Variants in UBL3 observed in about 807,000 individuals in gnomAD.
The protein encoded by UBL3 is ubiquitin-like protein 3.
UBL3 carries 6 observed loss-of-function variants against 18.4 expected under a neutral mutation model. That is an observed-to-expected ratio of 0.33 (90% CI 0.18 to 0.64). The LOEUF (loss-of-function observed/expected upper bound fraction) is 0.64, where lower values mean the gene tolerates loss of function less well. Ranked by LOEUF, UBL3 falls within the 30% of genes least tolerant of loss-of-function variation. The pLI is 0.76. For missense variants in UBL3, 109 were observed against 142.9 expected (o/e 0.76, Z 1.21); for synonymous variants, 49 against 46.6 (o/e 1.05, Z -0.21).
chr13:29,778,602 A>G (rs1008021005), intron 1 of UBL3, among the ~76,000 whole-genome samples: 13 of 152,098 alleles, frequency 8.5e-5, no homozygotes. Context: ...TTTAGTTACT[A>G]ATTTTTTTTC....
chr13:29,826,075 A>T (rs1878611028), intron 1 of UBL3, among the ~76,000 whole-genome samples: 1 of 152,096 alleles, frequency 6.6e-6, no homozygotes, highest in African/African-American at 2.4e-5. Context: ...AAGCTCTTTG[A>T]TGTGCTGCTG....
intron 1 of UBL3, among the ~76,000 whole-genome samples, chr13:29,835,663 G>C (rs1757118771): frequency 6.7e-6 from 1 of 148,336 alleles, no homozygotes; most frequent in South Asian, 2.1e-4. Flanking sequence ...GCTGAGGCAG[G>C]AGAATCACTC....
chr13:29,775,945 A>T (rs1477794512), intron 2 of UBL3, among the ~76,000 whole-genome samples: 3 of 152,102 alleles, frequency 2.0e-5, no homozygotes, highest in Admixed American at 1.3e-4. Flanking sequence ...AAAAAAAATC[A>T]AAGAAAATAA....
At chr13:29,799,114 T>G (rs994506523) in intron 1 of UBL3, among the ~76,000 whole-genome samples, 1 of 152,128 alleles carries the variant, frequency 6.6e-6, no homozygotes, top group Admixed American at 6.6e-5. Flanking sequence ...ATTTGGGTAG[T>G]GGGGGGAGCT....
At chr13:29,792,935 C>T (rs551890104) in intron 1 of UBL3, among the ~76,000 whole-genome samples, 4 of 152,170 alleles carry the variant, frequency 2.6e-5, no homozygotes, top group Non-Finnish European at 5.9e-5. Context: ...GCTAAGAATG[C>T]TAATTAACAT....
chr13:29,793,824 A>G lies in UBL3; in HGVS notation c.28-16561T>C, dbSNP rs1015428512. Among the ~76,000 whole-genome samples the G allele has an allele frequency of 3.3e-5, 5 of 152,100 alleles. No individual in the cohort carries two copies. The East Asian group carries it at 7.7e-4, about 23-fold the overall frequency. ...ATGTGTGTTACTAAGTGTTACTAAC[A>G]CTTTCATTTCTTCTATTGGCTTTTC... On this transcript the variant is annotated intron_variant, in intron 1 of 4. Coordinates refer to ENST00000380680, the MANE Select transcript of UBL3 (RefSeq NM_007106.4).
intron 1 of UBL3, among the ~76,000 whole-genome samples, chr13:29,818,293 C>G (rs1878335087): frequency 6.6e-6 from 1 of 152,108 alleles, no homozygotes; most frequent in South Asian, 2.1e-4. Flanking sequence ...CACACACATC[C>G]TTTTCAGTCA....
At chr13:29,777,089 G>T in intron 2 of UBL3, 66 bp downstream of exon 2, 2 of 1,211,948 alleles carry the variant, frequency 1.7e-6, no homozygotes, top group Non-Finnish European at 2.2e-6. Context: ...GTTTCAAAAT[G>T]TTTGTGAGAC....
intron 1 of UBL3, among the ~76,000 whole-genome samples, chr13:29,824,539 C>A (rs1216255754): frequency 1.3e-5 from 2 of 152,174 alleles, no homozygotes; most frequent in Non-Finnish European, 2.9e-5. Context: ...ATCCTTCGCC[C>A]ACTTGTTGCT....
At chr13:29,835,107 A>AATATAAAT (rs1878897106) in intron 1 of UBL3, among the ~76,000 whole-genome samples, 3 of 23,796 alleles carry the variant, frequency 1.3e-4, no homozygotes, top group Non-Finnish European at 2.1e-4. Context: ...TATATATATA[A>AATATAAAT]ATATATATAT....
chr13:29,844,961 G>A (rs528074513), intron 1 of UBL3, among the ~76,000 whole-genome samples: 5 of 151,912 alleles, frequency 3.3e-5, no homozygotes, highest in African/African-American at 7.2e-5. Context: ...TGTAAGTAAC[G>A]AAGACAGTAA....
At chr13:29,782,739 T>C (rs1000220138) in intron 1 of UBL3, among the ~76,000 whole-genome samples, 4 of 152,136 alleles carry the variant, frequency 2.6e-5, no homozygotes, top group Admixed American at 2.6e-4. Context: ...TAATCACCCT[T>C]CTGGGTGGGG....
intron 1 of UBL3, among the ~76,000 whole-genome samples, chr13:29,814,518 A>C (rs993040604): frequency 3.3e-5 from 5 of 152,136 alleles, no homozygotes; most frequent in African/African-American, 1.2e-4. Context: ...ATGAGTAAAG[A>C]GAAAAACTTT....
At chr13:29,820,603 TA>T (rs1878408579) in intron 1 of UBL3, among the ~76,000 whole-genome samples, 1 of 152,214 alleles carries the variant, frequency 6.6e-6, no homozygotes, top group African/African-American at 2.4e-5. Flanking sequence ...ATTAAACATT[TA>T]AAAACTATTA....
Position 29,791,973 on chromosome 13 carries a change from C to T in UBL3, c.28-14710G>A, listed in dbSNP as rs192422306. Among the ~76,000 whole-genome samples, 94 of 152,198 alleles carry T rather than the reference C, an allele frequency of 6.2e-4. 2 individuals carry two copies. The South Asian group carries it at 0.015, about 24-fold the overall frequency. ...TCTTACACCAGGCACATTTATTATGCGTATGTGGCTACAGAACAATTGTGG... is the reference window on the plus strand; with the variant it reads ...TCTTACACCAGGCACATTTATTATGTGTATGTGGCTACAGAACAATTGTGG... On this transcript the variant is annotated intron_variant, in intron 1 of 4. Coordinates refer to ENST00000380680, the MANE Select transcript of UBL3 (RefSeq NM_007106.4).
chr13:29,817,906 T>C (rs1310679231), intron 1 of UBL3, among the ~76,000 whole-genome samples: 2 of 152,226 alleles, frequency 1.3e-5, no homozygotes, highest in African/African-American at 2.4e-5. Flanking sequence ...TTTTAAACTT[T>C]TGCTTTTATC....
At position 29,785,316 on chromosome 13, in the gene UBL3, C is replaced by T. The variant is rs138926155; in HGVS notation, c.28-8053G>A. On this transcript the variant is annotated intron_variant, in intron 1 of 4. Transcript: ENST00000380680. Reference sequence around the variant, plus strand: ...GATTTCTCTGTATTATTTCTGAAAACTGCATGGTTAATTTATAATTGTCTT... The same window carrying T: ...GATTTCTCTGTATTATTTCTGAAAATTGCATGGTTAATTTATAATTGTCTT... Among the ~76,000 whole-genome samples the T allele has an allele frequency of 9.4e-4, 143 of 152,050 alleles. No individual in the cohort carries two copies. The East Asian group carries it at 0.017, about 19-fold the overall frequency.
At chr13:29,809,704 CTAAATA>C (rs1469158979) in intron 1 of UBL3, among the ~76,000 whole-genome samples, 1 of 152,052 alleles carries the variant, frequency 6.6e-6, no homozygotes, top group Non-Finnish European at 1.5e-5. Flanking sequence ...TATGTTTCCA[CTAAATA>C]TAGAGTCATC....
At chr13:29,847,363 C>T (rs1879255400) in intron 1 of UBL3, among the ~76,000 whole-genome samples, 1 of 152,196 alleles carries the variant, frequency 6.6e-6, no homozygotes, top group Non-Finnish European at 1.5e-5. Context: ...TTTGCCCTTG[C>T]ATATCACCTT....
Sources: allele counts gnomAD v4.1 joint callset (sites outside exome capture counted in the v4.1 genomes callset), GRCh38; gene constraint gnomAD v4.1.1; transcripts MANE v1.5; gene names NCBI Gene and HGNC (gene_info 2026-07-23, HGNC 2026-07-21).